The following ATP11A variants were observed in gnomAD, a reference collection of about 807,000 sequenced individuals.
ATP11A encodes phospholipid-transporting ATPase IH.
In ATP11A, 81 loss-of-function variants were observed where a neutral mutation model predicts 154.4. The ratio of observed to expected loss-of-function variants is 0.52; its 90% CI spans 0.44 to 0.63. The LOEUF is 0.63. ATP11A is among the 30% of genes least tolerant of loss of function. The pLI, the probability that ATP11A is intolerant of heterozygous loss-of-function variation, is 0.00. For missense variants in ATP11A, 1,316 were observed against 1,474.3 expected (o/e 0.89, Z 1.76); for synonymous variants, 623 against 585.9 (o/e 1.06, Z -0.91).
rs1170030816 is a variant in ATP11A at position 112,717,941 on chromosome 13, G to T, written c.39+27486G>T. 3.9e-5 allele frequency among the ~76,000 whole-genome samples: 6 copies of T among 152,312 alleles called. No individual in the cohort carries two copies. In the East Asian group the frequency reaches 1.2e-3, roughly 29 times the overall value. ...AAAATACAAAAATTAGCTGAGCGTGGTGGTGCATGCCTGTAATCCCAGCTA... is the reference window on the plus strand; with the variant it reads ...AAAATACAAAAATTAGCTGAGCGTGTTGGTGCATGCCTGTAATCCCAGCTA... On this transcript the variant is annotated intron_variant, in intron 1 of 29. Coordinates refer to ENST00000375645, the MANE Select transcript of ATP11A (RefSeq NM_015205.3).
chr13:112,820,251 A>C (rs987951014), intron 8 of ATP11A, among the ~76,000 whole-genome samples: 2 of 152,226 alleles, frequency 1.3e-5, no homozygotes, highest in Non-Finnish European at 1.5e-5. Flanking sequence ...TGAAGGGCGG[A>C]GTACAGCTTC....
At position 112,824,086 on chromosome 13, in the gene ATP11A, G is replaced by A. The variant is rs577826041; in HGVS notation, c.791-258G>A. Among the ~76,000 whole-genome samples, 5 of 152,166 alleles carry A rather than the reference G, an allele frequency of 3.3e-5. No homozygotes were observed. The South Asian group carries it at 6.2e-4, about 19-fold the overall frequency. On this transcript the variant is annotated intron_variant, in intron 9 of 29. Coordinates refer to ENST00000375645, the MANE Select transcript of ATP11A (RefSeq NM_015205.3). ...GGTAGAACCTGCAGATTAAGAACTC[G>A]TGGACATGGTGGGCCCAGTGTATAT...
At chr13:112,810,509 TTG>T in intron 4 of ATP11A, 108 bp from the exon 5 acceptor site, 2 of 891,414 alleles carry the variant, frequency 2.2e-6, no homozygotes, top group Non-Finnish European at 3.6e-6. Context: ...CCCCACAGGC[TTG>T]GATTATGCTT....
rs1566548755 is a variant in ATP11A at position 112,834,634 on chromosome 13, A to ATTAATATCTCCCTGT, written c.1609_1610insTATCTCCCTGTTTAA (p.Leu536_Asn537insIleSerProCysLeu). ...GGCTGAAGGACAATTACATGGAGAT[A>ATTAATATCTCCCTGT]TTAAACAGGGAGAACCACATCGAAA... On this transcript the variant is annotated inframe_insertion, in exon 15 of 30. Transcript: ENST00000375645. 6.2e-7 allele frequency: 1 copy of ATTAATATCTCCCTGT among 1,614,040 alleles called. No homozygotes were observed.
intron 1 of ATP11A, among the ~76,000 whole-genome samples, chr13:112,773,829 T>A (rs1393151980): frequency 2.6e-5 from 4 of 152,202 alleles, no homozygotes; most frequent in Non-Finnish European, 5.9e-5. Context: ...TCACGGGGTG[T>A]GGAGAGGTGC....
At chr13:112,803,704 TCTCTCA>T (rs2078199927) in intron 2 of ATP11A, among the ~76,000 whole-genome samples, 1 of 122,678 alleles carries the variant, frequency 8.2e-6, no homozygotes, top group African/African-American at 3.3e-5. Context: ...CTCCCCTCCT[TCTCTCA>T]TTCCCCTCCT....
chr13:112,721,709 C>T (rs995602128), intron 1 of ATP11A, among the ~76,000 whole-genome samples: 3 of 152,280 alleles, frequency 2.0e-5, no homozygotes, highest in South Asian at 2.1e-4. Flanking sequence ...CTGGGCTTCC[C>T]GGGGTCATGA....
chr13:112,811,258 A>G (rs2078492438), intron 5 of ATP11A, among the ~76,000 whole-genome samples: 2 of 149,016 alleles, frequency 1.3e-5, no homozygotes, highest in Admixed American at 1.3e-4. Flanking sequence ...TAAAATCATT[A>G]TCACTGCCCC....
rs1334055242 is a variant in ATP11A at position 112,842,883 on chromosome 13, A to C, written c.1809+504A>C. 2.0e-5 allele frequency among the ~76,000 whole-genome samples: 3 copies of C among 152,342 alleles called. No homozygotes were observed. The East Asian group carries it at 5.8e-4, about 29-fold the overall frequency. On this transcript the variant is annotated intron_variant, in intron 17 of 29. Coordinates refer to ENST00000375645, the MANE Select transcript of ATP11A (RefSeq NM_015205.3). ...TGTATAGCACCGCCCAGCAGCCCGC[A>C]CACCTGAGCCTCCCACTCCGTGGGT...
Position 112,696,463 on chromosome 13 carries a change from C to T in ATP11A, c.39+6008C>T, listed in dbSNP as rs941293231. On this transcript the variant is annotated intron_variant, in intron 1 of 29. Coordinates refer to ENST00000375645, the MANE Select transcript of ATP11A (RefSeq NM_015205.3). The surrounding 1 kb of genome is among the most constrained non-coding windows in gnomAD (Gnocchi z 6.2). ...GGTTGGAGCGAGTGACCCGTTCTGC[C>T]GAAGTCCAGTCCCGTGTGTGCTGCG... Among the ~76,000 whole-genome samples the T allele has an allele frequency of 2.0e-5, 3 of 152,016 alleles. No homozygotes were observed. The South Asian group carries it at 6.2e-4, about 32-fold the overall frequency.
chr13:112,841,888 G>A lies in ATP11A; in HGVS notation c.1706-388G>A, dbSNP rs377651101. Among the ~76,000 whole-genome samples the A allele has an allele frequency of 2.6e-4, 39 of 152,366 alleles. No individual in the cohort carries two copies. In the East Asian group the frequency reaches 6.4e-3, roughly 25 times the overall value. ...GGCTGCCTTGCTCTGCATGAGGACA[G>A]ATGACTCTCCGAAGGGGATTTGTGT... is the stretch of plus-strand genomic sequence containing the variant. On this transcript the variant is annotated intron_variant, in intron 16 of 29. Transcript: ENST00000375645.
chr13:112,879,093 C>T (rs1159673894), intron 29 of ATP11A, among the ~76,000 whole-genome samples: 10 of 152,238 alleles, frequency 6.6e-5, no homozygotes, highest in East Asian at 1.9e-4. Flanking sequence ...GTCCTGAAGT[C>T]GCGTTCTGTC....
In ATP11A at chr13:112,811,161, AACACACAC is replaced by A. The variant is rs10695491; in HGVS notation, c.441+473_441+480del. On this transcript the variant is annotated intron_variant, in intron 5 of 29. Transcript: ENST00000375645. ...GGTGGATGTACCCACTGCCCCTTCCAACACACACACACACACACACACACACACACACA... is the reference window on the plus strand; with the variant it reads ...GGTGGATGTACCCACTGCCCCTTCCAACACACACACACACACACACACACA... Among the ~76,000 whole-genome samples, 810 of 115,602 alleles carry A rather than the reference AACACACAC, an allele frequency of 7.0e-3. 20 individuals carry two copies. The highest frequency in any genetic ancestry group is 0.025 in the African/African-American group (689 of 28,024). The allele number at this position is 115,602 out of a possible 152,430, so 75.8% of individuals were successfully genotyped here. A position where few individuals can be genotyped will look rare whatever the true frequency, so the allele number is the denominator to read the frequency against.
At chr13:112,868,004 C>T (rs2080393504) in intron 25 of ATP11A, among the ~76,000 whole-genome samples, 1 of 152,208 alleles carries the variant, frequency 6.6e-6, no homozygotes. Context: ...ATTGGAGGAA[C>T]AATAGAATTA....
intron 1 of ATP11A, among the ~76,000 whole-genome samples, chr13:112,776,374 CATGCT>C (rs987033813): frequency 3.9e-5 from 6 of 152,168 alleles, no homozygotes; most frequent in African/African-American, 1.2e-4. Context: ...TGTTCCTTTC[CATGCT>C]TTATTAACGG....
chr13:112,831,462 G>C lies in ATP11A; in HGVS notation c.1309G>C (p.Val437Leu). The change falls in exon 13 of 30, where the codon GTG becomes CTG. Residue 437 changes from valine (V) to leucine (L), a missense_variant. Val to Leu is a conservative substitution (Grantham distance 32). Transcript: ENST00000375645. ...KECCIEGHVY[V>L]PHVICNGQVL... ...GTGCTGCATCGAAGGCCATGTCTAC[G>C]TGCCCCACGTCATCTGCAACGGGCA... 6.2e-7 allele frequency: 1 copy of C among 1,614,168 alleles called. No individual in the cohort carries two copies. The highest frequency in any genetic ancestry group is 1.6e-4 in the Middle Eastern group (1 of 6,062).
At chr13:112,806,541 C>A (rs2078327365) in intron 4 of ATP11A, among the ~76,000 whole-genome samples, 1 of 152,192 alleles carries the variant, frequency 6.6e-6, no homozygotes, top group Non-Finnish European at 1.5e-5. Flanking sequence ...TCCCAAATCA[C>A]CCAGAGATGA....
At chr13:112,822,207 A>G (rs917396972) in intron 8 of ATP11A, among the ~76,000 whole-genome samples, 2 of 152,196 alleles carry the variant, frequency 1.3e-5, no homozygotes, top group African/African-American at 4.8e-5. Context: ...TCAATAGCAA[A>G]ATTTATACAT....
chr13:112,730,775 C>T (rs1890405013), intron 1 of ATP11A, among the ~76,000 whole-genome samples: 1 of 152,158 alleles, frequency 6.6e-6, no homozygotes, highest in Non-Finnish European at 1.5e-5. Flanking sequence ...TAGAAAACTG[C>T]CCCCAGGAGG....
Sources: allele counts gnomAD v4.1 joint callset (sites outside exome capture counted in the v4.1 genomes callset), GRCh38; gene constraint gnomAD v4.1.1; non-coding constraint Gnocchi (gnomAD v3.1); transcripts MANE v1.5; gene names NCBI Gene and HGNC (gene_info 2026-07-23, HGNC 2026-07-21).